ANXA7: variants seen among roughly 807,000 people sequenced by gnomAD.
The protein encoded by ANXA7 is annexin VII.
A neutral mutation model predicts 64.9 loss-of-function variants in ANXA7; 55 were observed. The ratio of observed to expected loss-of-function variants is 0.85; its 90% CI spans 0.68 to 1.06. ANXA7 has a LOEUF of 1.06. Among genes scored for constraint, ANXA7 ranks in the 50% least tolerant of loss-of-function variants. ANXA7 has a pLI of 0.00. For missense variants in ANXA7, 548 were observed against 582.1 expected, an observed-to-expected ratio of 0.94 and a Z score of 0.60; for synonymous variants, 200 against 192.4, an observed-to-expected ratio of 1.04 and a Z score of -0.33.
intron 1 of ANXA7, among the ~76,000 whole-genome samples, chr10:73,403,232 A>T (rs975209535): frequency 6.6e-6 from 1 of 152,162 alleles, no homozygotes; most frequent in Non-Finnish European, 1.5e-5. Flanking sequence ...TCATGCCTGT[A>T]AATCCCAGCA....
At chr10:73,384,979 A>T (rs2055342344) in intron 7 of ANXA7, among the ~76,000 whole-genome samples, 1 of 152,188 alleles carries the variant, frequency 6.6e-6, no homozygotes, top group Non-Finnish European at 1.5e-5. Flanking sequence ...TTAAAAAAAA[A>T]AAGAAAAACA....
At chr10:73,394,998 A>C (rs1180889492) in intron 5 of ANXA7, among the ~76,000 whole-genome samples, 1 of 152,264 alleles carries the variant, frequency 6.6e-6, no homozygotes, top group Non-Finnish European at 1.5e-5. Flanking sequence ...CAAAATTTTC[A>C]TAACAAAAGT....
chr10:73,410,588 G>C (rs1780020148), intron 1 of ANXA7, among the ~76,000 whole-genome samples: 1 of 152,062 alleles, frequency 6.6e-6, no homozygotes, highest in South Asian at 2.1e-4. Context: ...TTTGAAACCA[G>C]CCTGACCAAC....
At chr10:73,377,957 T>C (rs1052067932) in intron 12 of ANXA7, among the ~76,000 whole-genome samples, 13 of 150,264 alleles carry the variant, frequency 8.7e-5, no homozygotes, top group African/African-American at 2.7e-4. Flanking sequence ...TTTGTAGAAA[T>C]AGGTTTCACC....
intron 7 of ANXA7, among the ~76,000 whole-genome samples, chr10:73,387,231 T>C (rs1195265574): frequency 1.1e-4 from 17 of 151,968 alleles, no homozygotes; most frequent in Non-Finnish European, 2.5e-4. Context: ...TTAAGAGAAA[T>C]AGGCCAGGCA....
chr10:73,378,826 G>A (rs2055227235), intron 12 of ANXA7, 85 bp downstream of exon 12: 3 of 951,546 alleles, frequency 3.2e-6, no homozygotes, highest in Non-Finnish European at 3.3e-6. Context: ...CATTTTTGAG[G>A]GACTGACAAC....
intron 1 of ANXA7, among the ~76,000 whole-genome samples, chr10:73,401,269 C>CACAA (rs1554818182): frequency 0.013 from 1,908 of 148,950 alleles, 50 homozygotes; most frequent in African/African-American, 0.046. Context: ...ACACAACACA[C>CACAA]ACACACACAC....
At position 73,398,240 on chromosome 10, in the gene ANXA7, G is replaced by A; in HGVS notation, c.200C>T (p.Pro67Leu). The A allele has an allele frequency of 1.6e-5, 26 of 1,614,038 alleles. No homozygotes were observed. Among genetic ancestry groups the A allele is most frequent in the Non-Finnish European group, 2.2e-5 (26 of 1,179,994 alleles). Residue 67 changes from proline to leucine, a missense_variant, in exon 3 of 13, where the codon CCA becomes CTA. Physicochemically the swap from Pro to Leu is moderately conservative, Grantham distance 98. Coordinates refer to ENST00000372921, the MANE Select transcript of ANXA7 (RefSeq NM_001156.5). ...AGGYPAPGGY[P>L]APGGYPGAPQ... ...GGCACCAGGATAGCCTCCAGGGGCTGGATAACCTCCAGGCGCAGGGTAGCC... is the reference window on the plus strand; with the variant it reads ...GGCACCAGGATAGCCTCCAGGGGCTAGATAACCTCCAGGCGCAGGGTAGCC...
intron 1 of ANXA7, among the ~76,000 whole-genome samples, chr10:73,406,818 G>A (rs2055764693): frequency 1.3e-5 from 2 of 151,912 alleles, no homozygotes; most frequent in South Asian, 2.1e-4. Context: ...AGATCCACCC[G>A]CCTCAGCCTC....
intron 4 of ANXA7, 29 bp downstream of exon 4, chr10:73,397,135 C>T (rs775799652): frequency 3.9e-6 from 5 of 1,280,312 alleles, no homozygotes; most frequent in East Asian, 2.5e-5. Context: ...TATCATGATA[C>T]TGTTTTTTTC....
chr10:73,398,423 T>C (rs1221732105), intron 2 of ANXA7, 38 bp from the exon 3 acceptor site: 3 of 1,543,318 alleles, frequency 1.9e-6, no homozygotes, highest in Admixed American at 1.8e-5. Context: ...AATACGATCA[T>C]AGAGAAATAT....
Position 73,398,175 on chromosome 10 carries a change from A to G in ANXA7, c.259+6T>C, listed in dbSNP as rs369255328. The G allele has an allele frequency of 1.2e-6, 2 of 1,606,336 alleles. No individual in the cohort carries two copies. The highest frequency in any genetic ancestry group is 1.1e-5 in the South Asian group (1 of 90,900). ...ATCATTACTAATTCCGCAACCCGTA[A>G]CTCACCTCCGGGATAGGATGGAGCT... On this transcript the variant is annotated splice_donor_region_variant and intron_variant, in intron 3 of 12. Transcript: ENST00000372921.
At chr10:73,376,240 G>A in intron 12 of ANXA7, 23 bp from the exon 13 acceptor site, 1 of 1,536,684 alleles carries the variant, frequency 6.5e-7, no homozygotes, top group South Asian at 1.3e-5. Flanking sequence ...TAATATTTCT[G>A]TCAGAAAAAC....
intron 12 of ANXA7, among the ~76,000 whole-genome samples, chr10:73,377,783 T>TGG (rs900256560): frequency 6.7e-6 from 1 of 148,822 alleles, no homozygotes; most frequent in African/African-American, 2.5e-5. Flanking sequence ...GGTGTGTGTG[T>TGG]GTGTGTGTGT....
intron 5 of ANXA7, among the ~76,000 whole-genome samples, chr10:73,394,161 A>ATGG (rs1314380960): frequency 6.6e-6 from 1 of 152,236 alleles, no homozygotes; most frequent in Non-Finnish European, 1.5e-5. Flanking sequence ...CCACAATGAG[A>ATGG]TATCATCTCA....
At chr10:73,377,342 G>T (rs1331102355) in intron 12 of ANXA7, 1 of 151,868 alleles carries the variant, frequency 6.6e-6, no homozygotes, top group Non-Finnish European at 1.5e-5. Context: ...GGCCGAGGCA[G>T]ACGGATCATC....
At position 73,398,267 on chromosome 10, in the gene ANXA7, C is replaced by G. The variant is rs1306016762; in HGVS notation, c.173G>C (p.Gly58Ala). Residue 58 changes from glycine to alanine, a missense_variant, in exon 3 of 13, where the codon GGA becomes GCA. Physicochemically the swap from Gly to Ala is moderately conservative, Grantham distance 60. Transcript: ENST00000372921. Reference sequence around the variant, plus strand: ...ATAACCTCCAGGCGCAGGGTAGCCTCCAGCTCCTGGGTAGCCACTACTTGG... The same window carrying G: ...ATAACCTCCAGGCGCAGGGTAGCCTGCAGCTCCTGGGTAGCCACTACTTGG... ...QVPSSGYPGAGGYPAPGGYPA... is the reference protein window; with the variant it reads ...QVPSSGYPGAAGYPAPGGYPA... 1.9e-6 allele frequency: 3 copies of G among 1,613,956 alleles called. No individual in the cohort carries two copies. The South Asian group carries it at 3.3e-5, about 18-fold the overall frequency.
At chr10:73,397,392 T>C (rs1488873231) in intron 3 of ANXA7, 118 bp from the exon 4 acceptor site, 4 of 454,622 alleles carry the variant, frequency 8.8e-6, no homozygotes, top group Non-Finnish European at 1.6e-5. Context: ...ATAATAGCAG[T>C]CCCTGTTTAT....
At chr10:73,387,846 C>CA in intron 6 of ANXA7, 63 bp from the exon 7 acceptor site, 1 of 550,964 alleles carries the variant, frequency 1.8e-6, no homozygotes, top group Non-Finnish European at 3.0e-6. Context: ...TTGAGGTCAT[C>CA]TTTTTTTTTT....
Sources: gnomAD v4.1 joint callset for allele counts (sites outside exome capture counted in the v4.1 genomes callset) on GRCh38, gnomAD v4.1.1 for gene constraint, MANE v1.5 for transcripts, NCBI Gene and HGNC (gene_info 2026-07-23, HGNC 2026-07-21) for gene names.